Variants in ITGAL observed in about 807,000 individuals in gnomAD.
ITGAL encodes the protein integrin subunit alpha L, also known as integrin alpha-L.
ITGAL carries 68 observed loss-of-function variants against 138.4 expected under a neutral mutation model. The ratio of observed to expected loss-of-function variants is 0.49; its 90% CI spans 0.40 to 0.60. The LOEUF is 0.60. Ranked by LOEUF, ITGAL falls within the 20% of genes least tolerant of loss-of-function variation. ITGAL has a pLI of 0.00. For synonymous variants in ITGAL, 561 were observed against 584.3 expected (o/e 0.96, Z 0.57); for missense variants, 1,256 against 1,478.6 (o/e 0.85, Z 2.47).
intron 30 of ITGAL, among the ~76,000 whole-genome samples, chr16:30,521,017 G>A (rs1256964605): frequency 6.6e-6 from 1 of 152,092 alleles, no homozygotes; most frequent in Non-Finnish European, 1.5e-5. Flanking sequence ...CTGGGAGGCG[G>A]AGCTTGCGGT....
At chr16:30,496,833 T>G (rs1217676247) in intron 15 of ITGAL, among the ~76,000 whole-genome samples, 11 of 145,394 alleles carry the variant, frequency 7.6e-5, no homozygotes, top group Non-Finnish European at 1.7e-4. Context: ...TTGGTAGCAA[T>G]GGGGACTTAC....
chr16:30,477,924 GGAAA>G (rs1019984551), intron 4 of ITGAL, among the ~76,000 whole-genome samples: 18 of 150,296 alleles, frequency 1.2e-4, no homozygotes, highest in African/African-American at 3.7e-4. Context: ...AGCAAAGAAA[GGAAA>G]GAAAGAAAGG....
chr16:30,499,169 A>C lies in ITGAL; in HGVS notation c.1928A>C (p.Lys643Thr). 2 of 1,614,170 alleles carry C rather than the reference A, an allele frequency of 1.2e-6. No homozygotes were observed. The highest frequency in any genetic ancestry group is 1.7e-6 in the Non-Finnish European group (2 of 1,180,020). The change falls in exon 16 of 31, where the codon AAG becomes ACG. Residue 643 changes from lysine to threonine, a missense_variant. Coordinates refer to ENST00000356798, the MANE Select transcript of ITGAL (RefSeq NM_002209.3). Reference sequence around the variant, plus strand: ...GAGTGCTCCTATTCAACCAGTAACAAGATGAAAGAAGGAGTTAATATCACA... The same window carrying C: ...GAGTGCTCCTATTCAACCAGTAACACGATGAAAGAAGGAGTTAATATCACA... Reference protein sequence around the residue: ...EVECSYSTSNKMKEGVNITIC... With the variant: ...EVECSYSTSNTMKEGVNITIC...
At chr16:30,486,132 A>T (rs2050643495) in intron 9 of ITGAL, among the ~76,000 whole-genome samples, 1 of 152,182 alleles carries the variant, frequency 6.6e-6, no homozygotes, top group South Asian at 2.1e-4. Flanking sequence ...CAGGAAGCTT[A>T]CTTGACTGAA....
rs552496645 is a variant in ITGAL, at chr16:30,497,613, A to T, written c.1832+1047A>T. On this transcript the variant is annotated intron_variant, in intron 15 of 30. Coordinates refer to ENST00000356798, the MANE Select transcript of ITGAL (RefSeq NM_002209.3). ...TGCATCAGCCTCCCAAGTAGCTGGGATCACAGGCATGCACCACCATGCCCT... is the reference window on the plus strand; with the variant it reads ...TGCATCAGCCTCCCAAGTAGCTGGGTTCACAGGCATGCACCACCATGCCCT... Among the ~76,000 whole-genome samples, 493 of 151,508 alleles carry T rather than the reference A, an allele frequency of 3.3e-3. 8 individuals carry two copies. The highest frequency in any genetic ancestry group is 0.03 in the Admixed American group (459 of 15,226).
In ITGAL at chr16:30,505,462, G is replaced by A; in HGVS notation, c.2366G>A (p.Arg789Lys). Residue 789 changes from arginine to lysine, a missense_variant and splice_region_variant, in exon 20 of 31, where the codon AGA becomes AAA. Arg to Lys is a conservative substitution (Grantham distance 26). Coordinates refer to ENST00000356798, the MANE Select transcript of ITGAL (RefSeq NM_002209.3). ...ANLRVSFSPA[R>K]SRALRLTAFA... Reference sequence around the variant, plus strand: ...TTGAGAGTGTCCTTCTCTCCTGCAAGGTCAGTAAGGCCTCCCACCCTCCAG... The same window carrying A: ...TTGAGAGTGTCCTTCTCTCCTGCAAAGTCAGTAAGGCCTCCCACCCTCCAG... 6.2e-7 allele frequency: 1 copy of A among 1,612,582 alleles called. No homozygotes were observed. Among genetic ancestry groups the A allele is most frequent in the Non-Finnish European group, 8.5e-7 (1 of 1,179,020 alleles).
chr16:30,489,187 G>A, intron 10 of ITGAL, 32 bp downstream of exon 10: 1 of 1,613,636 alleles, frequency 6.2e-7, no homozygotes, highest in South Asian at 1.1e-5. Context: ...TGGGCTGCAG[G>A]GAGTGCAGTT....
At chr16:30,502,548 A>T (rs1567480740) in intron 17 of ITGAL, among the ~76,000 whole-genome samples, 1 of 151,882 alleles carries the variant, frequency 6.6e-6, no homozygotes, top group Non-Finnish European at 1.5e-5. Flanking sequence ...GGAGTTCAGG[A>T]CCAGCCTGGT....
At position 30,475,509 on chromosome 16, in the gene ITGAL, A is replaced by G. The variant is rs1460149944; in HGVS notation, c.260-4A>G. ...CCTCCAGACCAACCTTCTGGTGCCT[A>G]CAGGTTCCAACTATACCTCCAAGTA... On this transcript the variant is annotated splice_region_variant and splice_polypyrimidine_tract_variant and intron_variant, in intron 3 of 30. Coordinates refer to ENST00000356798, the MANE Select transcript of ITGAL (RefSeq NM_002209.3). The G allele has an allele frequency of 1.9e-6, 3 of 1,613,514 alleles. No individual in the cohort carries two copies. Among genetic ancestry groups the G allele is most frequent in the Non-Finnish European group, 2.5e-6 (3 of 1,179,460 alleles).
In ITGAL at chr16:30,518,697, G is replaced by A; in HGVS notation, c.3206G>A (p.Gly1069Asp). The A allele has an allele frequency of 6.2e-7, 1 of 1,613,576 alleles. No homozygotes were observed. The highest frequency in any genetic ancestry group is 8.5e-7 in the Non-Finnish European group (1 of 1,179,580). ...AGCAGCAAGCATTTCCACCTCTATG[G>A]CAGCAACGCCTCCCTGGCCCAGGTA... Reference protein sequence around the residue: ...FNSSKHFHLYGSNASLAQVVM... With the variant: ...FNSSKHFHLYDSNASLAQVVM... The change falls in exon 29 of 31, where the codon GGC becomes GAC. Residue 1069 changes from glycine (G) to aspartate (D), a missense_variant. By Grantham distance (94) the Gly-to-Asp change is moderately conservative (BLOSUM62 -1). Transcript: ENST00000356798.
chr16:30,479,047 A>G (rs376454371), intron 4 of ITGAL, 44 bp from the exon 5 acceptor site: 19 of 1,478,628 alleles, frequency 1.3e-5, no homozygotes, highest in Non-Finnish European at 1.7e-5. Context: ...CAAAAGACAC[A>G]TAGCAAATAG....
intron 28 of ITGAL, 23 bp downstream of exon 28, chr16:30,517,918 G>T (rs1429033617): frequency 3.1e-6 from 5 of 1,607,342 alleles, no homozygotes; most frequent in Non-Finnish European, 1.7e-6. Flanking sequence ...CCTAAGAGAT[G>T]TGGAGCTGCT....
intron 30 of ITGAL, among the ~76,000 whole-genome samples, chr16:30,520,206 G>T (rs1380332278): frequency 1.3e-5 from 2 of 152,214 alleles, no homozygotes; most frequent in Non-Finnish European, 2.9e-5. Flanking sequence ...GGCCGAGGCA[G>T]GTGGATCACG....
At chr16:30,501,749 G>A (rs1341205379) in intron 17 of ITGAL, among the ~76,000 whole-genome samples, 2 of 151,930 alleles carry the variant, frequency 1.3e-5, no homozygotes, top group Non-Finnish European at 2.9e-5. Context: ...TTTTAAAAAA[G>A]TTAAAACAGG....
rs1204582293 is a variant in ITGAL, at chr16:30,499,483, T to C, written c.2139T>C (p.His713=). 6.2e-7 allele frequency: 1 copy of C among 1,613,560 alleles called. No individual in the cohort carries two copies. The highest frequency in any genetic ancestry group is 8.5e-7 in the Non-Finnish European group (1 of 1,179,952). Residue 713 remains histidine, a synonymous_variant, in exon 17 of 31, where the codon CAT becomes CAC. Coordinates refer to ENST00000356798, the MANE Select transcript of ITGAL (RefSeq NM_002209.3). ...TSMSCTDFSF[H]FPVCVQDLIS... is the part of the protein sequence containing the mutation. ...TGTCATGCACTGACTTCTCATTTCA[T>C]TTCCCGGTAAGGGAGCCAGCGCCAA...
chr16:30,505,035 A>G, intron 18 of ITGAL: 1 of 390,726 alleles, frequency 2.6e-6, no homozygotes, highest in Non-Finnish European at 4.6e-6. Flanking sequence ...AAAAAAAAAA[A>G]AGAGCTGCCA....
chr16:30,516,933 C>G (rs1234427002), intron 25 of ITGAL, 40 bp from the exon 26 acceptor site: 2 of 1,425,330 alleles, frequency 1.4e-6, no homozygotes, highest in South Asian at 1.1e-5. Context: ...GCTGGGGTGG[C>G]TGGCATTCAG....
chr16:30,474,438 T>A, intron 2 of ITGAL, 140 bp downstream of exon 2: 1 of 626,846 alleles, frequency 1.6e-6, no homozygotes, highest in Non-Finnish European at 2.9e-6. Context: ...GAGGAGCCTG[T>A]GGTGGGAATC....
intron 21 of ITGAL, 30 bp downstream of exon 21, chr16:30,506,886 G>A (rs958077996): frequency 1.2e-6 from 2 of 1,611,686 alleles, no homozygotes; most frequent in Non-Finnish European, 8.5e-7. Context: ...CTGCCTGCGG[G>A]CATCTGTTCG....
Sources: allele counts gnomAD v4.1 joint callset (sites outside exome capture counted in the v4.1 genomes callset), GRCh38; gene constraint gnomAD v4.1.1; transcripts MANE v1.5; gene names NCBI Gene and HGNC (gene_info 2026-07-23, HGNC 2026-07-21).